The following DESI2 variants were observed in gnomAD, a reference collection of about 807,000 sequenced individuals.
DESI2 encodes the protein deubiquitinase DESI2.
Under a neutral mutation model 24.1 loss-of-function variants are expected in DESI2, and 10 were observed. That is an observed-to-expected ratio of 0.41 (90% CI 0.26 to 0.70). DESI2 has a LOEUF of 0.70. Among genes scored for constraint, DESI2 ranks in the 30% least tolerant of loss-of-function variants. The pLI is 0.29. For synonymous variants in DESI2, 71 were observed against 87.7 expected (o/e 0.81, Z 1.06); for missense variants, 122 against 234.9 (o/e 0.52, Z 3.14).
chr1:244,666,958 C>T (rs549190894), intron 1 of DESI2, among the ~76,000 whole-genome samples: 11 of 152,012 alleles, frequency 7.2e-5, no homozygotes, highest in Admixed American at 1.3e-4. Flanking sequence ...TTCACTATCA[C>T]GAGAATAGCA....
intron 1 of DESI2, among the ~76,000 whole-genome samples, chr1:244,684,584 CT>C (rs1676746736): frequency 6.6e-6 from 1 of 151,908 alleles, no homozygotes; most frequent in African/African-American, 2.4e-5. Context: ...TTACCTCATT[CT>C]TTTTTCTTTT....
At chr1:244,684,492 CTT>C (rs1432344109) in intron 1 of DESI2, among the ~76,000 whole-genome samples, 1 of 152,092 alleles carries the variant, frequency 6.6e-6, no homozygotes, top group African/African-American at 2.4e-5. Context: ...CTCAGGCTAA[CTT>C]ATTTTTCAAA....
chr1:244,671,874 A>G (rs199784610), intron 1 of DESI2, among the ~76,000 whole-genome samples: 1 of 152,372 alleles, frequency 6.6e-6, no homozygotes, highest in East Asian at 1.9e-4. Flanking sequence ...ATTTCCTCAT[A>G]GCAATTTTGA....
chr1:244,694,665 T>C (rs1677148169), intron 4 of DESI2: 1 of 778,342 alleles, frequency 1.3e-6, no homozygotes, highest in Non-Finnish European at 2.4e-6. Flanking sequence ...GCCACAGCAG[T>C]GGCACGTGTG....
chr1:244,672,816 G>A (rs1483118733), intron 1 of DESI2, among the ~76,000 whole-genome samples: 1 of 152,076 alleles, frequency 6.6e-6, no homozygotes, highest in African/African-American at 2.4e-5. Flanking sequence ...AGTAGAGGTT[G>A]CAGTGAGCCA....
At position 244,690,480 on chromosome 1, in the gene DESI2, C is replaced by T. The variant is rs901506346; in HGVS notation, c.209+1138C>T. 2.0e-5 allele frequency among the ~76,000 whole-genome samples: 3 copies of T among 152,088 alleles called. No individual in the cohort carries two copies. In the South Asian group the frequency reaches 6.2e-4, roughly 32 times the overall value. On this transcript the variant is annotated intron_variant, in intron 3 of 4. Transcript: ENST00000302550. ...CAGCACTTTGGGAGGCCAAGGCAGG[C>T]GGATCACCTGAGGTCAGGAGTTCGA... is the stretch of plus-strand genomic sequence containing the variant.
chr1:244,703,787 T>C (rs943008299), intron 4 of DESI2, among the ~76,000 whole-genome samples: 1 of 151,706 alleles, frequency 6.6e-6, no homozygotes, highest in African/African-American at 2.4e-5. Context: ...GCCTCCCGAG[T>C]AGCTGGGACT....
At position 244,705,122 on chromosome 1, in the gene DESI2, CTG is replaced by C. The variant is rs554717871; in HGVS notation, c.352-431_352-430del. Among the ~76,000 whole-genome samples the C allele has an allele frequency of 2.7e-3, 405 of 152,254 alleles. 1 individual carries two copies. The highest frequency in any genetic ancestry group is 5.6e-3 in the Admixed American group (85 of 15,288). The stretch of plus-strand genomic sequence containing the variant: ...AGAAAAGGGGAAAGTCAAAAAGAAT[CTG>C]TGAAAAAGAAGAATTCACAAATAGG... On this transcript the variant is annotated intron_variant, in intron 4 of 4. Transcript: ENST00000302550.
intron 4 of DESI2, among the ~76,000 whole-genome samples, chr1:244,704,365 C>T (rs1167631814): frequency 2.0e-5 from 3 of 152,084 alleles, no homozygotes; most frequent in Non-Finnish European, 4.4e-5. Flanking sequence ...AGTCCATTGT[C>T]TGCACAAGAG....
intron 3 of DESI2, 25 bp from the exon 4 acceptor site, chr1:244,691,854 C>CT (rs761147366): frequency 2.2e-5 from 34 of 1,527,052 alleles, no homozygotes; most frequent in South Asian, 7.7e-5. Context: ...TTTTCTTTCT[C>CT]TTTTTTTTCT....
chr1:244,673,989 C>CTTTT (rs143887006), intron 1 of DESI2, among the ~76,000 whole-genome samples: 7 of 73,200 alleles, frequency 9.6e-5, no homozygotes, highest in African/African-American at 3.7e-4. Flanking sequence ...ACTTCTGTCT[C>CTTTT]TTTTTTTTTT....
At chr1:244,696,119 C>G (rs1012036843) in intron 4 of DESI2, among the ~76,000 whole-genome samples, 3 of 152,120 alleles carry the variant, frequency 2.0e-5, no homozygotes, top group Admixed American at 6.5e-5. Flanking sequence ...GATAAAGATT[C>G]TTTTTAACAT....
At chr1:244,654,542 C>T (rs965093204) in intron 1 of DESI2, among the ~76,000 whole-genome samples, 4 of 152,066 alleles carry the variant, frequency 2.6e-5, no homozygotes, top group Non-Finnish European at 5.9e-5. Context: ...GAGATGAGTC[C>T]TCTGTTGAAT....
At position 244,675,622 on chromosome 1, in the gene DESI2, T is replaced by C. The variant is rs547141040; in HGVS notation, c.43-10975T>C. Among the ~76,000 whole-genome samples the C allele has an allele frequency of 5.3e-5, 8 of 152,346 alleles. No individual in the cohort carries two copies. In the East Asian group the frequency reaches 1.5e-3, roughly 29 times the overall value. On this transcript the variant is annotated intron_variant, in intron 1 of 4. Transcript: ENST00000302550. The stretch of plus-strand genomic sequence containing the variant: ...GGGCTTATTTCTGAACTCTGAATTC[T>C]GTTTCATTGATCTGTATGTCTATCT...
At chr1:244,703,675 T>C (rs1677570300) in intron 4 of DESI2, among the ~76,000 whole-genome samples, 1 of 135,822 alleles carries the variant, frequency 7.4e-6, no homozygotes, top group Non-Finnish European at 1.7e-5. Flanking sequence ...TTTTTTTTTT[T>C]TGAGACAGAG....
At chr1:244,698,818 G>A (rs963100774) in intron 4 of DESI2, among the ~76,000 whole-genome samples, 2 of 152,184 alleles carry the variant, frequency 1.3e-5, no homozygotes, top group Admixed American at 1.3e-4. Flanking sequence ...CATGGGAACC[G>A]GCTTCTCTGG....
intron 1 of DESI2, among the ~76,000 whole-genome samples, chr1:244,684,405 G>C (rs771100115): frequency 5.9e-5 from 9 of 152,112 alleles, no homozygotes; most frequent in Non-Finnish European, 1.2e-4. Context: ...GTTGAACACA[G>C]GTGCTTCAGA....
chr1:244,705,819 T>A lies in DESI2; in HGVS notation c.*30T>A. The A allele has an allele frequency of 6.7e-7, 1 of 1,496,690 alleles. No individual in the cohort carries two copies. The highest frequency in any genetic ancestry group is 1.1e-5 in the South Asian group (1 of 87,798). The allele number at this position is 1,496,690 out of a possible 1,614,324, so 92.7% of individuals were successfully genotyped here. ...CTCCAAAGTCACACATTCAGAACTGTCTCTGGCAGTCGAATATCACTAGAG... is the reference window on the plus strand; with the variant it reads ...CTCCAAAGTCACACATTCAGAACTGACTCTGGCAGTCGAATATCACTAGAG... On this transcript the variant is annotated 3_prime_UTR_variant, in exon 5 of 5. Transcript: ENST00000302550.
intron 1 of DESI2, 49 bp downstream of exon 1, chr1:244,653,404 TCTCGCCCGTGGGG>T: frequency 6.5e-7 from 1 of 1,529,178 alleles, no homozygotes; most frequent in Non-Finnish European, 8.7e-7. Context: ...GCCGGCTTCC[TCTCGCCCGTGGGG>T]CTCGGACCCC....
Sources: gnomAD v4.1 joint callset for allele counts (sites outside exome capture counted in the v4.1 genomes callset) on GRCh38, gnomAD v4.1.1 for gene constraint, MANE v1.5 for transcripts, NCBI Gene and HGNC (gene_info 2026-07-23, HGNC 2026-07-21) for gene names.